IL1RAPL1: variants seen among roughly 807,000 people sequenced by gnomAD.
IL1RAPL1 encodes interleukin 1 receptor accessory protein like 1, also known as interleukin-1 receptor accessory protein-like 1.
Under a neutral mutation model 48.4 loss-of-function variants are expected in IL1RAPL1, and 3 were observed. The ratio of observed to expected loss-of-function variants is 0.06; its 90% confidence interval spans 0.03 to 0.16. IL1RAPL1 has a LOEUF of 0.16. Ranked by LOEUF, IL1RAPL1 falls within the 10% of genes least tolerant of loss-of-function variation. IL1RAPL1 has a pLI of 1.00. For missense variants in IL1RAPL1, 349 were observed against 530.6 expected (o/e 0.66, Z 3.36); for synonymous variants, 185 against 187.7 (o/e 0.99, Z 0.12).
At chrX:29,255,784 T>G (rs1295485845) in intron 2 of IL1RAPL1, among the ~76,000 whole-genome samples, 1 of 111,278 alleles carries the variant, frequency 9.0e-6, no homozygotes, top group Non-Finnish European at 1.9e-5. Flanking sequence ...GCAAAGGACA[T>G]GATTTTGTTA....
In IL1RAPL1 at chrX:28,836,747, G is replaced by T. The variant is rs1335973899; in HGVS notation, c.82+47322G>T. Among the ~76,000 whole-genome samples, 3 of 109,721 alleles carry T rather than the reference G, an allele frequency of 2.7e-5. No homozygotes were observed. In the Admixed American group the frequency reaches 2.9e-4, roughly 11 times the overall value. On this transcript the variant is annotated intron_variant, in intron 2 of 10. Transcript: ENST00000378993. Reference sequence around the variant, plus strand: ...TAAAAACTTGCTGTGGTCATCATCGGCATCATCATCGTCATCATCATCACC... The same window carrying T: ...TAAAAACTTGCTGTGGTCATCATCGTCATCATCATCGTCATCATCATCACC...
chrX:29,907,850 A>ATTGT (rs36076303), intron 6 of IL1RAPL1, among the ~76,000 whole-genome samples: 42,677 of 109,366 alleles, frequency 0.39, 7,865 homozygotes, highest in African/African-American at 0.71. Context: ...GATTTGTTTA[A>ATTGT]TTGTTTATTG....
At chrX:29,334,204 C>T (rs1932938581) in intron 3 of IL1RAPL1, among the ~76,000 whole-genome samples, 1 of 72,575 alleles carries the variant, frequency 1.4e-5, no homozygotes, top group Admixed American at 1.2e-4. Context: ...GGGGGCTGAC[C>T]CCCCCACCTC....
At chrX:29,178,280 A>G (rs145810502) in intron 2 of IL1RAPL1, among the ~76,000 whole-genome samples, 192 of 111,638 alleles carry the variant, frequency 1.7e-3, no homozygotes, top group African/African-American at 5.9e-3. Flanking sequence ...TTGAATGATC[A>G]CCATTCTAAC....
intron 2 of IL1RAPL1, among the ~76,000 whole-genome samples, chrX:28,839,404 A>G (rs1921308330): frequency 9.0e-6 from 1 of 110,843 alleles, no homozygotes; most frequent in African/African-American, 3.3e-5. Flanking sequence ...ATTAAAATTA[A>G]TGAAATGTAT....
intron 3 of IL1RAPL1, among the ~76,000 whole-genome samples, chrX:29,367,558 TTA>T (rs1470407472): frequency 3.2e-3 from 324 of 101,254 alleles, no homozygotes; most frequent in South Asian, 5.8e-3. Context: ...TTATTTTTAT[TTA>T]TTTATTTATT....
intron 1 of IL1RAPL1, among the ~76,000 whole-genome samples, chrX:28,623,568 A>G (rs1934307238): frequency 8.9e-6 from 1 of 111,914 alleles, no homozygotes; most frequent in African/African-American, 3.2e-5. Context: ...TTACCTGCAT[A>G]CGTGGCACTG....
chrX:28,950,021 A>G (rs1224750717), intron 2 of IL1RAPL1, among the ~76,000 whole-genome samples: 1 of 109,516 alleles, frequency 9.1e-6, no homozygotes, highest in Non-Finnish European at 1.9e-5. Context: ...GCCCATGCCT[A>G]TGTCCTGAAT....
At chrX:28,728,616 A>G (rs1308425526) in intron 1 of IL1RAPL1, among the ~76,000 whole-genome samples, 1 of 112,248 alleles carries the variant, frequency 8.9e-6, no homozygotes, top group African/African-American at 3.2e-5. Context: ...CTCAAAGCAC[A>G]TAAAGGAGAC....
At chrX:29,290,903 G>T (rs1278298051) in intron 3 of IL1RAPL1, among the ~76,000 whole-genome samples, 1 of 112,035 alleles carries the variant, frequency 8.9e-6, no homozygotes, top group African/African-American at 3.2e-5. Flanking sequence ...GATAATAAAG[G>T]AGAAGACTTT....
chrX:28,912,024 G>A (rs1005837679), intron 2 of IL1RAPL1, among the ~76,000 whole-genome samples: 14 of 104,115 alleles, frequency 1.3e-4, no homozygotes, highest in African/African-American at 4.6e-4. Context: ...AATAACATAC[G>A]AGATGGTAGC....
At chrX:29,209,578 T>C (rs1569260435) in intron 2 of IL1RAPL1, among the ~76,000 whole-genome samples, 1 of 112,012 alleles carries the variant, frequency 8.9e-6, no homozygotes, top group East Asian at 2.8e-4. Context: ...AGGCACAAGC[T>C]ATGCATCTGT....
intron 2 of IL1RAPL1, among the ~76,000 whole-genome samples, chrX:29,133,887 A>T (rs1412720410): frequency 1.8e-5 from 2 of 111,419 alleles, no homozygotes; most frequent in East Asian, 5.6e-4. Context: ...TGATCTTTTT[A>T]CTGTCTCCAT....
At chrX:29,179,964 T>C (rs1024109361) in intron 2 of IL1RAPL1, among the ~76,000 whole-genome samples, 2 of 110,910 alleles carry the variant, frequency 1.8e-5, no homozygotes, top group African/African-American at 6.6e-5. Context: ...GGTTTGTGAA[T>C]GAGTGGAATG....
chrX:28,668,259 G>GT (rs929292761), intron 1 of IL1RAPL1, among the ~76,000 whole-genome samples: 1,780 of 107,714 alleles, frequency 0.017, 33 homozygotes, highest in African/African-American at 0.056. Flanking sequence ...CAAAAGAATT[G>GT]TTTTTTTTTT....
At chrX:29,462,359 G>A (rs983927443) in intron 5 of IL1RAPL1, among the ~76,000 whole-genome samples, 5 of 111,403 alleles carry the variant, frequency 4.5e-5, no homozygotes, top group East Asian at 2.8e-4. Context: ...TGATAAAGGC[G>A]TATGCTTTCC....
chrX:29,279,851 T>C (rs1312377644), intron 2 of IL1RAPL1, among the ~76,000 whole-genome samples: 1 of 112,256 alleles, frequency 8.9e-6, no homozygotes, highest in Non-Finnish European at 1.9e-5. Flanking sequence ...CAACTCTCTC[T>C]CTATTCTCTT....
At chrX:29,184,114 G>A (rs369454544) in intron 2 of IL1RAPL1, among the ~76,000 whole-genome samples, 2 of 111,616 alleles carry the variant, frequency 1.8e-5, no homozygotes, top group Admixed American at 9.5e-5. Context: ...CCATTTCAAC[G>A]TGTATATACT....
At chrX:28,637,393 A>T (rs754939153) in intron 1 of IL1RAPL1, among the ~76,000 whole-genome samples, 1 of 111,773 alleles carries the variant, frequency 8.9e-6, no homozygotes, top group South Asian at 3.8e-4. Flanking sequence ...TGATATTTTC[A>T]ATTTAGTATT....
Sources: gnomAD v4.1 joint callset for allele counts (sites outside exome capture counted in the v4.1 genomes callset) on GRCh38, gnomAD v4.1.1 for gene constraint, MANE v1.5 for transcripts, NCBI Gene and HGNC (gene_info 2026-07-23, HGNC 2026-07-21) for gene names.